The following KAZN variants were observed in gnomAD, a reference collection of about 807,000 sequenced individuals.
KAZN encodes the protein kazrin.
KAZN carries 40 observed loss-of-function variants against 87.4 expected under a neutral mutation model. The ratio of observed to expected loss-of-function variants is 0.46; its 90% CI spans 0.36 to 0.60. The LOEUF (loss-of-function observed/expected upper bound fraction) is 0.60. Ranked by LOEUF, KAZN falls within the 20% of genes least tolerant of loss-of-function variation. KAZN has a pLI of 0.00. For synonymous variants in KAZN, 466 were observed against 458.3 expected (o/e 1.02, Z -0.22); for missense variants, 898 against 1,073.9 (o/e 0.84, Z 2.29).
intron 1 of KAZN, among the ~76,000 whole-genome samples, chr1:13,964,824 T>C (rs1286317550): frequency 6.6e-6 from 1 of 152,180 alleles, no homozygotes; most frequent in African/African-American, 2.4e-5. Context: ...GTGGTCACTC[T>C]TGCAGTCAAT....
intron 1 of KAZN, among the ~76,000 whole-genome samples, chr1:14,177,922 G>A (rs914747669): frequency 6.6e-6 from 1 of 151,590 alleles, no homozygotes; most frequent in Admixed American, 6.6e-5. Flanking sequence ...GAAAAAAATT[G>A]TTCATTTTTG....
intron 2 of KAZN, among the ~76,000 whole-genome samples, chr1:14,239,540 A>T (rs1648746907): frequency 7.1e-6 from 1 of 141,260 alleles, no homozygotes; most frequent in African/African-American, 2.7e-5. Flanking sequence ...GGCTCACTGC[A>T]ACTTCTGCCT....
At chr1:15,108,007 A>G (rs1293620110) in intron 13 of KAZN, among the ~76,000 whole-genome samples, 9 of 152,120 alleles carry the variant, frequency 5.9e-5, no homozygotes, top group African/African-American at 1.9e-4. Context: ...CATGCAGTCA[A>G]TTTCCTCTGG....
chr1:14,088,955 A>ATTT (rs34377005), intron 1 of KAZN, among the ~76,000 whole-genome samples: 3 of 142,608 alleles, frequency 2.1e-5, no homozygotes, highest in African/African-American at 7.7e-5. Context: ...CATCATTCTA[A>ATTT]TTTTTTTTTT....
Position 14,604,228 on chromosome 1 carries a change from C to T in KAZN, c.226+5005C>T, listed in dbSNP as rs1322536218. On this transcript the variant is annotated intron_variant, in intron 1 of 14. Transcript: ENST00000376030. Reference sequence around the variant, plus strand: ...TCACCGCCAGCAGTCATTGCACTGCCTTGGTGCCTTGAATTGCAGGCATAG... The same window carrying T: ...TCACCGCCAGCAGTCATTGCACTGCTTTGGTGCCTTGAATTGCAGGCATAG... Among the ~76,000 whole-genome samples the T allele has an allele frequency of 1.6e-4, 25 of 152,184 alleles. 1 individual carries two copies. The highest frequency in any genetic ancestry group is 1.6e-3 in the Admixed American group (25 of 15,282).
At chr1:14,943,207 G>A (rs2101653272) in intron 1 of KAZN, among the ~76,000 whole-genome samples, 1 of 151,348 alleles carries the variant, frequency 6.6e-6, no homozygotes, top group Middle Eastern at 3.4e-3. Flanking sequence ...GGAAACATTT[G>A]GTGGGAAGTC....
chr1:14,533,687 T>C (rs1212654603), intron 2 of KAZN, among the ~76,000 whole-genome samples: 2 of 152,118 alleles, frequency 1.3e-5, no homozygotes, highest in Admixed American at 6.5e-5. Context: ...CCACATCTCC[T>C]GTGTCCACCT....
At chr1:14,277,007 G>C (rs944609654) in intron 2 of KAZN, among the ~76,000 whole-genome samples, 1 of 152,072 alleles carries the variant, frequency 6.6e-6, no homozygotes, top group African/African-American at 2.4e-5. Context: ...CCTTTGTCTG[G>C]CTTGGATATC....
At chr1:14,211,105 C>CT (rs1433719146) in intron 2 of KAZN, among the ~76,000 whole-genome samples, 2 of 152,210 alleles carry the variant, frequency 1.3e-5, no homozygotes, top group Non-Finnish European at 2.9e-5. Flanking sequence ...GTGTTCTATT[C>CT]TAAGTGTGCA....
intron 1 of KAZN, among the ~76,000 whole-genome samples, chr1:14,766,430 A>T (rs1236692021): frequency 6.6e-6 from 1 of 152,028 alleles, no homozygotes; most frequent in East Asian, 1.9e-4. Flanking sequence ...TGCAAAAAAC[A>T]GAGCTCGGTG....
intron 2 of KAZN, among the ~76,000 whole-genome samples, chr1:14,198,511 A>C (rs1456025654): frequency 6.6e-6 from 1 of 152,198 alleles, no homozygotes; most frequent in Non-Finnish European, 1.5e-5. Flanking sequence ...GAGGCACAAG[A>C]ATCAATTGAA....
intron 2 of KAZN, among the ~76,000 whole-genome samples, chr1:14,971,610 C>G (rs1665034603): frequency 1.3e-5 from 2 of 149,664 alleles, no homozygotes; most frequent in South Asian, 4.2e-4. Context: ...AGGAGAGGAT[C>G]TGGAAGTGGG....
chr1:14,983,867 G>A lies in KAZN; in HGVS notation c.418+22992G>A, dbSNP rs911299253. Among the ~76,000 whole-genome samples, 12 of 152,146 alleles carry A rather than the reference G, an allele frequency of 7.9e-5. No homozygotes were observed. In the East Asian group the frequency reaches 1.7e-3, roughly 22 times the overall value. ...TGAGGCAGGAGAATCTCTTGAACCC[G>A]GGAGGTGGAGGTTGCAGTGAGCTGA... On this transcript the variant is annotated intron_variant, in intron 2 of 14. Transcript: ENST00000376030.
chr1:14,130,499 A>C (rs1390111480), intron 1 of KAZN, among the ~76,000 whole-genome samples: 1 of 151,458 alleles, frequency 6.6e-6, no homozygotes, highest in Non-Finnish European at 1.5e-5. Context: ...TTTCTGAAAA[A>C]ATAAATATTA....
chr1:14,256,379 G>T (rs150716005), intron 2 of KAZN, among the ~76,000 whole-genome samples: 22 of 152,118 alleles, frequency 1.4e-4, no homozygotes, highest in African/African-American at 5.3e-4. Context: ...TGAAGTAATG[G>T]TCTTACTGAA....
intron 1 of KAZN, among the ~76,000 whole-genome samples, chr1:14,727,731 G>T (rs554333402): frequency 3.1e-4 from 47 of 151,674 alleles, no homozygotes; most frequent in South Asian, 1.2e-3. Context: ...CTCCCTAAGT[G>T]TTGGGATTAC....
chr1:15,071,048 AGC>A (rs1639482852), intron 8 of KAZN, among the ~76,000 whole-genome samples: 1 of 152,180 alleles, frequency 6.6e-6, no homozygotes, highest in African/African-American at 2.4e-5. Flanking sequence ...AACATGTATC[AGC>A]TTATTCTTTA....
chr1:13,973,474 T>C (rs963531952), intron 1 of KAZN, among the ~76,000 whole-genome samples: 9 of 152,220 alleles, frequency 5.9e-5, no homozygotes, highest in African/African-American at 2.2e-4. Flanking sequence ...GGCTTGCTTC[T>C]CACCAGGTTG....
chr1:13,952,436 C>G (rs1054274788), intron 1 of KAZN, among the ~76,000 whole-genome samples: 25 of 151,884 alleles, frequency 1.6e-4, no homozygotes, highest in Admixed American at 1.6e-3. Context: ...GAATGGCCAG[C>G]ACAGGGCTGG....
Sources: allele counts gnomAD v4.1 joint callset (sites outside exome capture counted in the v4.1 genomes callset), GRCh38; gene constraint gnomAD v4.1.1; transcripts MANE v1.5; gene names NCBI Gene and HGNC (gene_info 2026-07-23, HGNC 2026-07-21).